Variants in RBFOX1 observed in about 807,000 individuals in gnomAD.
RBFOX1 encodes RNA binding protein fox-1 homolog 1.
A neutral mutation model predicts 57.7 loss-of-function variants in RBFOX1; 8 were observed. The ratio of observed to expected loss-of-function variants is 0.14; its 90% CI spans 0.08 to 0.25. RBFOX1 has a LOEUF of 0.25. RBFOX1 is among the 10% of genes least tolerant of loss of function. RBFOX1 has a pLI of 1.00. For missense variants in RBFOX1, 611 were observed against 548.5 expected, an observed-to-expected ratio of 1.11 and a Z score of -1.14; for synonymous variants, 326 against 222.4, an observed-to-expected ratio of 1.47 and a Z score of -4.15.
chr16:6,467,875 G>C (rs2095085776), intron 2 of RBFOX1, among the ~76,000 whole-genome samples: 1 of 152,222 alleles, frequency 6.6e-6, no homozygotes, highest in Non-Finnish European at 1.5e-5. Context: ...TACTGAGTTT[G>C]ATAATGCAAT....
At chr16:5,422,980 G>C (rs1195437305) in intron 1 of RBFOX1, among the ~76,000 whole-genome samples, 2 of 110,792 alleles carry the variant, frequency 1.8e-5, no homozygotes, top group African/African-American at 6.8e-5. Context: ...AGAGGGAGGA[G>C]TGGGGAGAGG....
intron 2 of RBFOX1, among the ~76,000 whole-genome samples, chr16:6,468,903 C>G (rs908495971): frequency 3.3e-5 from 5 of 152,006 alleles, no homozygotes; most frequent in African/African-American, 1.2e-4. Flanking sequence ...AAGCCTAGTA[C>G]CTACCCACTA....
intron 4 of RBFOX1, among the ~76,000 whole-genome samples, chr16:5,916,160 T>C (rs978473430): frequency 2.6e-5 from 4 of 151,902 alleles, no homozygotes; most frequent in African/African-American, 9.7e-5. Context: ...GCCTGAAAAT[T>C]CGTTTGGTGT....
At chr16:5,249,345 C>T (rs1411067845) in intron 1 of RBFOX1, among the ~76,000 whole-genome samples, 3 of 152,210 alleles carry the variant, frequency 2.0e-5, no homozygotes, top group Admixed American at 6.5e-5. Context: ...TCAGACCGTC[C>T]TCCTGGAGGG....
chr16:5,849,512 C>G (rs1208128850), intron 3 of RBFOX1, among the ~76,000 whole-genome samples: 1 of 152,104 alleles, frequency 6.6e-6, no homozygotes, highest in Admixed American at 6.5e-5. Context: ...CCAGTATCCA[C>G]TCTAGGGTCC....
intron 4 of RBFOX1, among the ~76,000 whole-genome samples, chr16:7,140,286 T>C (rs1246038520): frequency 7.1e-6 from 1 of 140,060 alleles, no homozygotes; most frequent in African/African-American, 3.0e-5. Context: ...TTTTTTTTTT[T>C]TTAGTTTTTT....
chr16:7,000,788 T>G (rs1013299125), intron 3 of RBFOX1, among the ~76,000 whole-genome samples: 1 of 151,898 alleles, frequency 6.6e-6, no homozygotes, highest in Non-Finnish European at 1.5e-5. Flanking sequence ...ATATTTTTAG[T>G]AGAGACGGTT....
intron 1 of RBFOX1, among the ~76,000 whole-genome samples, chr16:5,241,130 G>A (rs2062156610): frequency 6.6e-6 from 1 of 152,208 alleles, no homozygotes; most frequent in Non-Finnish European, 1.5e-5. Flanking sequence ...AGCACGGGTA[G>A]CCGTCCTCGC....
At chr16:6,499,124 G>A (rs1045990005) in intron 2 of RBFOX1, among the ~76,000 whole-genome samples, 1 of 152,308 alleles carries the variant, frequency 6.6e-6, no homozygotes, top group South Asian at 2.1e-4. Flanking sequence ...GAAATTATCA[G>A]CCAGGCAGCC....
At chr16:6,859,806 A>G (rs893782221) in intron 3 of RBFOX1, among the ~76,000 whole-genome samples, 5 of 143,664 alleles carry the variant, frequency 3.5e-5, no homozygotes, top group African/African-American at 7.4e-5. Context: ...ATACAAGTAT[A>G]TTTTTTCTGC....
chr16:7,081,381 TA>T (rs1412910251), intron 4 of RBFOX1, among the ~76,000 whole-genome samples: 2 of 152,322 alleles, frequency 1.3e-5, no homozygotes, highest in South Asian at 2.1e-4. Flanking sequence ...GTGTTCATTC[TA>T]CTAAACCTGT....
intron 4 of RBFOX1, among the ~76,000 whole-genome samples, chr16:7,217,027 C>CCCTCCCTT (rs2092192695): frequency 4.2e-5 from 2 of 48,192 alleles, no homozygotes; most frequent in African/African-American, 3.0e-4. Context: ...CTCCCTCCCT[C>CCCTCCCTT]CCTCCCTCCC....
chr16:5,667,217 T>C (rs2049876331), intron 3 of RBFOX1, among the ~76,000 whole-genome samples: 1 of 152,222 alleles, frequency 6.6e-6, no homozygotes, highest in South Asian at 2.1e-4. Flanking sequence ...TGTATTTTCT[T>C]AGGGTTTATT....
chr16:7,332,638 C>A (rs745734713), intron 4 of RBFOX1: 2 of 407,790 alleles, frequency 4.9e-6, no homozygotes, highest in Non-Finnish European at 7.2e-6. Flanking sequence ...TAGCCTGGTT[C>A]CCTCTGTCAC....
rs187249161 is a variant in RBFOX1 at position 6,564,194 on chromosome 16, C to A, written c.-63-90409C>A. Reference sequence around the variant, plus strand: ...GAGGATAAAAGCCATGATTGCCTTGCTTACCCTCACTGTGAATGAATGAAT... The same window carrying A: ...GAGGATAAAAGCCATGATTGCCTTGATTACCCTCACTGTGAATGAATGAAT... On this transcript the variant is annotated intron_variant, in intron 2 of 15. Coordinates refer to ENST00000550418, the MANE Select transcript of RBFOX1 (RefSeq NM_018723.4). Among the ~76,000 whole-genome samples the A allele has an allele frequency of 1.2e-3, 190 of 152,220 alleles. 1 individual carries two copies. Among genetic ancestry groups the A allele is most frequent in the African/African-American group, 4.1e-3 (171 of 41,534 alleles).
intron 2 of RBFOX1, among the ~76,000 whole-genome samples, chr16:6,518,300 G>A (rs2096420563): frequency 1.3e-5 from 2 of 152,060 alleles, no homozygotes; most frequent in African/African-American, 4.8e-5. Context: ...CTTGAGGAGG[G>A]GAAAAAATTA....
intron 4 of RBFOX1, among the ~76,000 whole-genome samples, chr16:7,224,771 C>T (rs899309496): frequency 2.0e-5 from 3 of 152,154 alleles, no homozygotes; most frequent in Non-Finnish European, 4.4e-5. Context: ...CCAAAGTCCT[C>T]GTTATTCAAA....
intron 2 of RBFOX1, among the ~76,000 whole-genome samples, chr16:6,544,923 G>T (rs1317069989): frequency 6.6e-6 from 1 of 152,128 alleles, no homozygotes; most frequent in Non-Finnish European, 1.5e-5. Flanking sequence ...ATGATTATTA[G>T]TTAAGAGTTT....
chr16:6,494,673 A>C (rs1420041713), intron 2 of RBFOX1, among the ~76,000 whole-genome samples: 1 of 152,176 alleles, frequency 6.6e-6, no homozygotes, highest in African/African-American at 2.4e-5. Context: ...CGTGAGTTTC[A>C]CTTCTCTGGC....
Sources: gnomAD v4.1 joint callset for allele counts (sites outside exome capture counted in the v4.1 genomes callset) on GRCh38, gnomAD v4.1.1 for gene constraint, MANE v1.5 for transcripts, NCBI Gene and HGNC (gene_info 2026-07-23, HGNC 2026-07-21) for gene names.